The following TSNARE1 variants were observed in gnomAD, a reference collection of about 807,000 sequenced individuals.
TSNARE1 encodes t-SNARE domain containing 1, also known as t-SNARE domain-containing protein 1.
A neutral mutation model predicts 62.0 loss-of-function variants in TSNARE1; 49 were observed. The observed-to-expected ratio is 0.79, with a 90% CI of 0.63 to 1.00. The LOEUF is 1.00. TSNARE1 is among the 50% of genes least tolerant of loss of function. TSNARE1 has a pLI of 0.00. For missense variants in TSNARE1, 755 were observed against 700.1 expected, an observed-to-expected ratio of 1.08 and a Z score of -0.88; for synonymous variants, 328 against 294.4, an observed-to-expected ratio of 1.11 and a Z score of -1.17.
intron 12 of TSNARE1, among the ~76,000 whole-genome samples, chr8:142,250,980 G>A (rs1818131275): frequency 6.6e-6 from 1 of 152,234 alleles, no homozygotes; most frequent in African/African-American, 2.4e-5. Context: ...CGTAAGGGCG[G>A]CTCAGCCTCC....
intron 11 of TSNARE1, chr8:142,276,970 T>C: frequency 2.0e-6 from 2 of 985,444 alleles, no homozygotes; most frequent in African/African-American, 3.5e-5. Flanking sequence ...TGCACAGAGA[T>C]GCACAAGGGG....
intron 6 of TSNARE1, among the ~76,000 whole-genome samples, chr8:142,330,087 C>T (rs552424689): frequency 2.8e-4 from 42 of 152,360 alleles, no homozygotes; most frequent in Middle Eastern, 3.4e-3. Flanking sequence ...GGACAACGTC[C>T]CAGTGCAGTG....
chr8:142,274,716 G>A (rs1191910744), intron 12 of TSNARE1, 65 bp downstream of exon 12: 12 of 1,423,854 alleles, frequency 8.4e-6, no homozygotes, highest in Admixed American at 3.0e-5. Flanking sequence ...CAGACGGAGG[G>A]AGGGTTGGAG....
chr8:142,339,401 G>T (rs1832221595), intron 4 of TSNARE1, among the ~76,000 whole-genome samples: 1 of 152,068 alleles, frequency 6.6e-6, no homozygotes, highest in Non-Finnish European at 1.5e-5. Context: ...AGAATCACAG[G>T]CCCGTGGACC....
chr8:142,365,687 T>C (rs992335473), intron 1 of TSNARE1, among the ~76,000 whole-genome samples: 2 of 152,098 alleles, frequency 1.3e-5, no homozygotes, highest in Non-Finnish European at 2.9e-5. Flanking sequence ...TGTTAACATT[T>C]GGGATATTTG....
rs1031778454 is a variant in TSNARE1 at position 142,275,900 on chromosome 8, C to T, written c.1364-1037G>A. 4.1e-6 allele frequency: 4 copies of T among 985,288 alleles called. No individual in the cohort carries two copies. The African/African-American group carries it at 5.2e-5, about 13-fold the overall frequency. The allele number at this position is 985,288 out of a possible 1,614,324, so 61.0% of individuals were successfully genotyped here. A position where few individuals can be genotyped will look rare whatever the true frequency, so the allele number is the denominator to read the frequency against. ...GAGGGTCCTCAGAAAGACAAGGCCA[C>T]TCCCCACCGTCCCAGCAAGGACTCC... On this transcript the variant is annotated intron_variant, in intron 11 of 13. Transcript: ENST00000524325.
At chr8:142,281,624 G>A (rs1176598351) in intron 11 of TSNARE1, among the ~76,000 whole-genome samples, 2 of 152,076 alleles carry the variant, frequency 1.3e-5, no homozygotes, top group Non-Finnish European at 2.9e-5. Flanking sequence ...TTAGGGTCAG[G>A]GTTAAGGGGA....
chr8:142,216,940 A>G (rs1349634576), intron 13 of TSNARE1, among the ~76,000 whole-genome samples: 2 of 152,150 alleles, frequency 1.3e-5, no homozygotes, highest in African/African-American at 4.8e-5. Flanking sequence ...GTAGGTGAAC[A>G]GTCGTGGAGA....
rs767858755 is a variant in TSNARE1 at position 142,315,062 on chromosome 8, G to A, written c.1015C>T (p.Leu339=). The A allele has an allele frequency of 6.2e-6, 10 of 1,614,160 alleles. No individual in the cohort carries two copies. Among genetic ancestry groups the A allele is most frequent in the Non-Finnish European group, 8.5e-6 (10 of 1,180,022 alleles). ...QERLQQERPQ[L]DRLKTQLSDA... Reference sequence around the variant, plus strand: ...GAGAGCTGGGTTTTCAGCCGGTCCAGCTGAGGACGCTCCTGCTGCAGACGC... The same window carrying A: ...GAGAGCTGGGTTTTCAGCCGGTCCAACTGAGGACGCTCCTGCTGCAGACGC... Residue 339 remains leucine, a synonymous_variant, in exon 8 of 14, where the codon CTG becomes TTG. Coordinates refer to ENST00000524325, the MANE Select transcript of TSNARE1 (RefSeq NM_145003.5).
At chr8:142,278,404 G>T in intron 11 of TSNARE1, 1 of 985,470 alleles carries the variant, frequency 1.0e-6, no homozygotes, top group Non-Finnish European at 1.2e-6. Context: ...TCCACTCTGT[G>T]GCCCTCAAGG....
intron 12 of TSNARE1, among the ~76,000 whole-genome samples, chr8:142,242,230 A>G (rs75826611): frequency 0.024 from 866 of 35,860 alleles, 4 homozygotes; most frequent in African/African-American, 0.086. Flanking sequence ...CTAAAACTAC[A>G]ATCTCCATCT....
chr8:142,216,545 G>A (rs576583726), intron 13 of TSNARE1, among the ~76,000 whole-genome samples: 5 of 152,262 alleles, frequency 3.3e-5, no homozygotes, highest in East Asian at 3.9e-4. Context: ...TCGGCCTCCC[G>A]GCCTGGCACA....
chr8:142,300,807 T>C (rs1825612497), intron 9 of TSNARE1, among the ~76,000 whole-genome samples, 163 bp from the exon 10 acceptor site: 1 of 144,606 alleles, frequency 6.9e-6, no homozygotes, highest in Non-Finnish European at 1.6e-5. Flanking sequence ...GCCACGAGCC[T>C]GTCACTGGGC....
In TSNARE1 at chr8:142,259,866, T is replaced by C. The variant is rs2130383924; in HGVS notation, c.1446+14915A>G. Among the ~76,000 whole-genome samples, 3 of 152,282 alleles carry C rather than the reference T, an allele frequency of 2.0e-5. No individual in the cohort carries two copies. The East Asian group carries it at 5.8e-4, about 30-fold the overall frequency. On this transcript the variant is annotated intron_variant, in intron 12 of 13. Transcript: ENST00000524325. ...TGGCACGCCTTCCCCCGGGGGCACC[T>C]AGGGGATGCCTCGTAGCAAACCCTG...
At chr8:142,218,012 GTGTGGCCAGGATCAGGGCCCAGTA>G (rs1359967412) in intron 13 of TSNARE1, among the ~76,000 whole-genome samples, 2 of 123,770 alleles carry the variant, frequency 1.6e-5, no homozygotes, top group Non-Finnish European at 1.7e-5. Flanking sequence ...AGGGCTCAGT[GTGTGGCCAGGATCAGGGCCCAGTA>G]TGTGACCAGG....
intron 12 of TSNARE1, chr8:142,273,489 G>A (rs575380521): frequency 1.3e-5 from 13 of 985,392 alleles, no homozygotes; most frequent in African/African-American, 7.0e-5. Flanking sequence ...CAGAGCTGGC[G>A]CCAGGAGACC....
At chr8:142,328,015 C>A (rs1830500857) in intron 6 of TSNARE1, among the ~76,000 whole-genome samples, 1 of 152,304 alleles carries the variant, frequency 6.6e-6, no homozygotes, top group Admixed American at 6.5e-5. Context: ...ATGCCCCAGG[C>A]AGATCAGAGA....
chr8:142,215,057 T>G (rs1586737569), intron 13 of TSNARE1, among the ~76,000 whole-genome samples: 1 of 152,190 alleles, frequency 6.6e-6, no homozygotes, highest in Non-Finnish European at 1.5e-5. Context: ...GCCAGACAGT[T>G]GCACCTGCAG....
chr8:142,311,290 GTTTTTTTTTT>G (rs58755110), intron 9 of TSNARE1, among the ~76,000 whole-genome samples: 3 of 57,336 alleles, frequency 5.2e-5, no homozygotes, highest in Non-Finnish European at 8.7e-5. Flanking sequence ...AGCCTCTCTA[GTTTTTTTTTT>G]TTTTTTTTTT....
Sources: allele counts gnomAD v4.1 joint callset (sites outside exome capture counted in the v4.1 genomes callset), GRCh38; gene constraint gnomAD v4.1.1; transcripts MANE v1.5; gene names NCBI Gene and HGNC (gene_info 2026-07-23, HGNC 2026-07-21).